The following ERBB4 variants were observed in gnomAD, a reference collection of about 807,000 sequenced individuals.
The protein encoded by ERBB4 is erb-b2 receptor tyrosine kinase 4.
ERBB4 carries 42 observed loss-of-function variants against 158.0 expected under a neutral mutation model. The ratio of observed to expected loss-of-function variants is 0.27; its 90% CI spans 0.21 to 0.34. The LOEUF (loss-of-function observed/expected upper bound fraction) is 0.34, where lower values mean the gene tolerates loss of function less well. ERBB4 is among the 10% of genes least tolerant of loss of function. ERBB4 has a pLI of 1.00. For missense variants in ERBB4, 1,333 were observed against 1,624.1 expected (o/e 0.82, Z 3.08); for synonymous variants, 583 against 558.7 (o/e 1.04, Z -0.61).
Position 211,507,552 on chromosome 2 carries a change from T to C in ERBB4, c.2487+54351A>G, listed in dbSNP as rs554175975. ...TGGTACAGGAAGAAAAACAGATACA[T>C]AGACCAGTTAAACAGAATAGAGAAC... is the stretch of plus-strand genomic sequence containing the variant. On this transcript the variant is annotated intron_variant, in intron 20 of 27. Transcript: ENST00000342788. Among the ~76,000 whole-genome samples, 113 of 152,168 alleles carry C rather than the reference T, an allele frequency of 7.4e-4. 2 individuals are homozygous for C. The highest frequency in any genetic ancestry group is 1.5e-3 in the Admixed American group (23 of 15,286).
intron 1 of ERBB4, among the ~76,000 whole-genome samples, chr2:212,537,826 G>A (rs1412381000): frequency 6.6e-6 from 1 of 151,814 alleles, no homozygotes; most frequent in Non-Finnish European, 1.5e-5. Context: ...CGGGAAGCCG[G>A]CGGAAGAGGC....
intron 3 of ERBB4, among the ~76,000 whole-genome samples, chr2:211,945,342 T>G (rs1195300729): frequency 6.6e-6 from 1 of 152,142 alleles, no homozygotes; most frequent in Non-Finnish European, 1.5e-5. Flanking sequence ...GACCCTAGAC[T>G]GTTTCCCTTA....
intron 3 of ERBB4, among the ~76,000 whole-genome samples, chr2:211,938,858 A>G (rs1473693286): frequency 4.6e-5 from 7 of 152,170 alleles, no homozygotes. Context: ...AATTGACATT[A>G]CTTTCCAAAA....
chr2:212,534,245 A>T (rs1424386714), intron 1 of ERBB4, among the ~76,000 whole-genome samples: 1 of 152,252 alleles, frequency 6.6e-6, no homozygotes. Flanking sequence ...TAAAATATGC[A>T]CTGTGCATAG....
chr2:212,297,670 T>A (rs1212785665), intron 1 of ERBB4, among the ~76,000 whole-genome samples: 2 of 151,792 alleles, frequency 1.3e-5, no homozygotes, highest in Non-Finnish European at 2.9e-5. Flanking sequence ...AGTTTTTAGA[T>A]AAACATGTCT....
intron 3 of ERBB4, among the ~76,000 whole-genome samples, chr2:211,798,077 A>C (rs1299533556): frequency 6.6e-6 from 1 of 152,024 alleles, no homozygotes; most frequent in Non-Finnish European, 1.5e-5. Context: ...ATCTGTATCA[A>C]GCAGCCGCCA....
chr2:212,022,793 C>T (rs1405907653), intron 2 of ERBB4, among the ~76,000 whole-genome samples: 2 of 152,062 alleles, frequency 1.3e-5, no homozygotes, highest in Non-Finnish European at 2.9e-5. Context: ...GAAATGGTCA[C>T]AAATGAAATA....
chr2:211,829,502 T>C (rs1157422916), intron 3 of ERBB4, among the ~76,000 whole-genome samples: 1 of 152,172 alleles, frequency 6.6e-6, no homozygotes, highest in East Asian at 1.9e-4. Context: ...TCTTATTTGC[T>C]TCATAAAACA....
At chr2:211,935,751 A>G (rs1436082200) in intron 3 of ERBB4, among the ~76,000 whole-genome samples, 1 of 152,166 alleles carries the variant, frequency 6.6e-6, no homozygotes, top group African/African-American at 2.4e-5. Context: ...AATAGCTATT[A>G]TCGTTATCTG....
At chr2:212,217,227 C>A (rs1396846782) in intron 1 of ERBB4, among the ~76,000 whole-genome samples, 1 of 151,290 alleles carries the variant, frequency 6.6e-6, no homozygotes, top group Admixed American at 6.6e-5. Context: ...CCCTATATCA[C>A]AATTTATCTA....
At chr2:212,355,003 G>A (rs537784861) in intron 1 of ERBB4, among the ~76,000 whole-genome samples, 1 of 152,098 alleles carries the variant, frequency 6.6e-6, no homozygotes, top group Admixed American at 6.6e-5. Context: ...GGGCACATGT[G>A]ACCTTGATAT....
At chr2:211,741,785 A>C (rs1350709517) in intron 5 of ERBB4, among the ~76,000 whole-genome samples, 6 of 152,184 alleles carry the variant, frequency 3.9e-5, no homozygotes, top group Non-Finnish European at 7.3e-5. Flanking sequence ...AAATATATAC[A>C]TCTCCTGTAG....
chr2:212,383,124 T>C (rs1358719267), intron 1 of ERBB4, among the ~76,000 whole-genome samples: 1 of 151,372 alleles, frequency 6.6e-6, no homozygotes, highest in African/African-American at 2.4e-5. Context: ...TGTGTTTACC[T>C]TTTTCTATAG....
rs1269508479 is a variant in ERBB4, at chr2:211,557,510, A to G, written c.2487+4393T>C. Among the ~76,000 whole-genome samples the G allele has an allele frequency of 4.6e-5, 7 of 152,208 alleles. 1 individual carries two copies. Among genetic ancestry groups the G allele is most frequent in the African/African-American group, 1.7e-4 (7 of 41,460 alleles). On this transcript the variant is annotated intron_variant, in intron 20 of 27. Transcript: ENST00000342788. ...TACACGCAACCAGCAAGCATATGAA[A>G]AAAAGCTCAACATCACTGATCATTA...
chr2:211,805,980 A>G (rs1224054693), intron 3 of ERBB4, among the ~76,000 whole-genome samples: 2 of 151,958 alleles, frequency 1.3e-5, no homozygotes, highest in African/African-American at 2.4e-5. Flanking sequence ...AAAAGAAATA[A>G]AGGATACATC....
At chr2:212,196,523 T>C (rs62182586) in intron 1 of ERBB4, among the ~76,000 whole-genome samples, 29,132 of 151,950 alleles carry the variant, frequency 0.19, 3,092 homozygotes, top group Non-Finnish European at 0.22. Context: ...GTAGTTCAAA[T>C]CTGTGTTGTT....
chr2:211,727,677 G>A (rs533359362), intron 5 of ERBB4, among the ~76,000 whole-genome samples: 1 of 151,838 alleles, frequency 6.6e-6, no homozygotes, highest in East Asian at 1.9e-4. Context: ...ATTTTTAATT[G>A]GATCCTTTTC....
chr2:212,018,988 A>C (rs2076587251), intron 2 of ERBB4, among the ~76,000 whole-genome samples: 1 of 152,136 alleles, frequency 6.6e-6, no homozygotes, highest in Non-Finnish European at 1.5e-5. Flanking sequence ...ATGGGAGCTC[A>C]TAACTACTGT....
At chr2:212,504,186 CT>C (rs1691054689) in intron 1 of ERBB4, among the ~76,000 whole-genome samples, 1 of 152,064 alleles carries the variant, frequency 6.6e-6, no homozygotes, top group Non-Finnish European at 1.5e-5. Context: ...ATGCAGAGTC[CT>C]CAGATATCAG....
Sources: gnomAD v4.1 joint callset for allele counts (sites outside exome capture counted in the v4.1 genomes callset) on GRCh38, gnomAD v4.1.1 for gene constraint, MANE v1.5 for transcripts, NCBI Gene and HGNC (gene_info 2026-07-23, HGNC 2026-07-21) for gene names.